The following MYO16 variants were observed in gnomAD, a reference collection of about 807,000 sequenced individuals.
The protein encoded by MYO16 is unconventional myosin-XVI.
In MYO16, 94 loss-of-function variants were observed where a neutral mutation model predicts 205.3. That is an observed-to-expected ratio of 0.46 (90% CI 0.39 to 0.54). The LOEUF (loss-of-function observed/expected upper bound fraction) is 0.54. Ranked by LOEUF, MYO16 falls within the 20% of genes least tolerant of loss-of-function variation. The probability of loss-of-function intolerance (pLI) is 0.00; values close to 1 mark genes in which losing one functional copy is unlikely to be tolerated. For synonymous variants in MYO16, 988 were observed against 954.0 expected, an observed-to-expected ratio of 1.04 and a Z score of -0.66; for missense variants, 2,315 against 2,387.5, an observed-to-expected ratio of 0.97 and a Z score of 0.63.
At chr13:108,705,140 A>G (rs1199579966) in intron 2 of MYO16, among the ~76,000 whole-genome samples, 2 of 152,198 alleles carry the variant, frequency 1.3e-5, no homozygotes, top group African/African-American at 2.4e-5. Context: ...AAATTGCACA[A>G]CATTCTGAAT....
chr13:108,527,510 T>A, the MYO16 span, among the ~76,000 whole-genome samples: 1 of 152,194 alleles, frequency 6.6e-6, no homozygotes, highest in African/African-American at 2.4e-5. Context: ...TTATAGTTTA[T>A]TGTAATGGCT....
intron 4 of MYO16, among the ~76,000 whole-genome samples, chr13:108,761,532 T>A (rs1885609807): frequency 6.6e-6 from 1 of 152,190 alleles, no homozygotes; most frequent in Admixed American, 6.5e-5. Flanking sequence ...GAGGGCAGCA[T>A]GTTGGAGACT....
intron 4 of MYO16, among the ~76,000 whole-genome samples, chr13:108,775,761 G>A (rs17391668): frequency 0.14 from 21,413 of 152,158 alleles, 1,603 homozygotes; most frequent in Middle Eastern, 0.24. Context: ...TCTTCTGAGC[G>A]GTGCACACAG....
intron 4 of MYO16, among the ~76,000 whole-genome samples, chr13:108,775,908 C>T (rs1242239571): frequency 2.0e-5 from 3 of 152,150 alleles, no homozygotes; most frequent in African/African-American, 2.4e-5. Flanking sequence ...ATTCGAAGCA[C>T]GTCACCTTAG....
At chr13:108,496,019 TG>T in the MYO16 span, among the ~76,000 whole-genome samples, 3 of 152,100 alleles carry the variant, frequency 2.0e-5, no homozygotes, top group African/African-American at 7.2e-5. Context: ...GCGCAGAGGC[TG>T]TTCTGCACCG....
intron 2 of MYO16, among the ~76,000 whole-genome samples, chr13:108,708,606 C>A (rs1008176260): frequency 1.3e-5 from 2 of 152,224 alleles, no homozygotes; most frequent in Non-Finnish European, 2.9e-5. Flanking sequence ...ATAACAGGAA[C>A]AGAATTGAGA....
rs566297106 is a variant in MYO16 at position 109,180,237 on chromosome 13, T to C, written c.5415+604T>C. Among the ~76,000 whole-genome samples the C allele has an allele frequency of 2.0e-5, 3 of 152,280 alleles. No homozygotes were observed. In the South Asian group the frequency reaches 6.2e-4, roughly 32 times the overall value. On this transcript the variant is annotated intron_variant, in intron 34 of 34. Transcript: ENST00000457511. ...AATTTCACCAAAATAAACAAGATTA[T>C]CACTTCAAGAAGAAGAAAAAAAGAA...
chr13:108,992,499 T>A, intron 21 of MYO16, 51 bp downstream of exon 21: 1 of 1,172,036 alleles, frequency 8.5e-7, no homozygotes, highest in Non-Finnish European at 1.3e-6. Flanking sequence ...CTTTTGAAAC[T>A]AAGTTCTTTT....
intron 5 of MYO16, among the ~76,000 whole-genome samples, chr13:108,791,496 G>A (rs939169733): frequency 1.2e-4 from 19 of 152,104 alleles, no homozygotes; most frequent in South Asian, 8.3e-4. Flanking sequence ...ATCAAGCAAC[G>A]GACAAATCAA....
At chr13:108,803,584 T>C (rs1566339420) in intron 6 of MYO16, among the ~76,000 whole-genome samples, 1 of 152,154 alleles carries the variant, frequency 6.6e-6, no homozygotes, top group Non-Finnish European at 1.5e-5. Flanking sequence ...ATGACCCTGT[T>C]GTCTGTTTTT....
At chr13:108,511,256 C>T in the MYO16 span, among the ~76,000 whole-genome samples, 1 of 138,250 alleles carries the variant, frequency 7.2e-6, no homozygotes, top group Admixed American at 7.2e-5. Context: ...TGTTTTTTGG[C>T]TGCATAAATG....
intron 14 of MYO16, among the ~76,000 whole-genome samples, chr13:108,895,422 CTAAT>C (rs1880367081): frequency 6.6e-6 from 1 of 152,136 alleles, no homozygotes; most frequent in African/African-American, 2.4e-5. Flanking sequence ...GGCCAAGTGG[CTAAT>C]TAAAGATAAA....
At chr13:108,760,419 T>G (rs1885567492) in intron 4 of MYO16, among the ~76,000 whole-genome samples, 1 of 152,142 alleles carries the variant, frequency 6.6e-6, no homozygotes, top group East Asian at 1.9e-4. Context: ...CTTATAAATC[T>G]ATTCCATATC....
chr13:108,738,147 C>T (rs1181564957), intron 4 of MYO16, among the ~76,000 whole-genome samples: 2 of 151,336 alleles, frequency 1.3e-5, no homozygotes, highest in Non-Finnish European at 2.9e-5. Flanking sequence ...CAGTTCTGCT[C>T]TGATCTTAGT....
chr13:108,983,635 G>A (rs1050695079), intron 20 of MYO16, among the ~76,000 whole-genome samples: 13 of 152,134 alleles, frequency 8.5e-5, no homozygotes, highest in Admixed American at 3.3e-4. Context: ...TTCTGTGAGC[G>A]GAAGCAGGCA....
chr13:109,065,827 T>C (rs921911804), intron 27 of MYO16, among the ~76,000 whole-genome samples: 1 of 152,160 alleles, frequency 6.6e-6, no homozygotes, highest in Admixed American at 6.6e-5. Flanking sequence ...CATCCATCAG[T>C]CATTTAAAGG....
At chr13:108,644,370 ATC>A (rs1880647727) in intron 1 of MYO16, among the ~76,000 whole-genome samples, 1 of 53,768 alleles carries the variant, frequency 1.9e-5, no homozygotes, top group Non-Finnish European at 4.9e-5. Context: ...CTGTCTATCT[ATC>A]TATCTATCTA....
intron 23 of MYO16, chr13:109,028,310 A>ATACTCTAATATACTCTAATATAATAT: frequency 4.3e-6 from 1 of 230,632 alleles, no homozygotes. Context: ...ATAGTATTAA[A>ATACTCTAATATACTCTAATATAATAT]TACAGAAAAT....
At chr13:109,130,543 G>A (rs1727303406) in intron 31 of MYO16, among the ~76,000 whole-genome samples, 1 of 152,238 alleles carries the variant, frequency 6.6e-6, no homozygotes, top group Non-Finnish European at 1.5e-5. Flanking sequence ...GAGCATGCTT[G>A]CTGATTAGTT....
Sources: allele counts gnomAD v4.1 joint callset (sites outside exome capture counted in the v4.1 genomes callset), GRCh38; gene constraint gnomAD v4.1.1; transcripts MANE v1.5; gene names NCBI Gene and HGNC (gene_info 2026-07-23, HGNC 2026-07-21).